CNP: variants seen among roughly 807,000 people sequenced by gnomAD.
CNP encodes 2',3'-cyclic nucleotide 3' phosphodiesterase, also known as 2',3'-cyclic-nucleotide 3'-phosphodiesterase.
In CNP, 8 loss-of-function variants were observed where a neutral mutation model predicts 37.9. The ratio of observed to expected loss-of-function variants is 0.21; its 90% CI spans 0.12 to 0.38. CNP has a LOEUF of 0.38. Ranked by LOEUF, CNP falls within the 10% of genes least tolerant of loss-of-function variation. CNP has a pLI of 1.00. For synonymous variants in CNP, 237 were observed against 238.3 expected (o/e 0.99, Z 0.05); for missense variants, 457 against 551.0 (o/e 0.83, Z 1.71).
intron 1 of CNP, chr17:41,967,724 A>G: frequency 1.9e-6 from 2 of 1,072,796 alleles, no homozygotes; most frequent in Non-Finnish European, 2.3e-6. Context: ...CCAGACACAG[A>G]GACCCCCACC....
rs2144554970 is a variant in CNP at position 41,966,863 on chromosome 17, G to T, written c.-22G>T. On this transcript the variant is annotated 5_prime_UTR_variant, in exon 1 of 4. Transcript: ENST00000393892. ...GAGCGCTGGTGCCGGCAGAGGCGGC[G>T]ACGGTGGCGCCCCTCCTCATCATGG... is the stretch of plus-strand genomic sequence containing the variant. 7.3e-7 allele frequency: 1 copy of T among 1,363,444 alleles called. No individual in the cohort carries two copies. Among genetic ancestry groups the T allele is most frequent in the African/African-American group, 1.5e-5 (1 of 66,024 alleles). The allele number at this position is 1,363,444 out of a possible 1,614,324, so 84.5% of individuals were successfully genotyped here. A position where few individuals can be genotyped will look rare whatever the true frequency, so the allele number is the denominator to read the frequency against.
intron 3 of CNP, 147 bp downstream of exon 3, chr17:41,972,178 C>T: frequency 3.0e-6 from 3 of 987,006 alleles, no homozygotes; most frequent in Non-Finnish European, 4.5e-6. Context: ...CTCCTAGCTC[C>T]CCTGTCCCCA....
At chr17:41,967,117 G>A (rs1567944539) in intron 1 of CNP, 3 of 421,754 alleles carry the variant, frequency 7.1e-6, no homozygotes, top group Non-Finnish European at 1.2e-5. Flanking sequence ...GGGAACTCGG[G>A]ACCGCAGAAG....
rs57119058 is a variant in CNP, at chr17:41,967,544, C to T, written c.4-524C>T. ...TGAAAGAGGGCCTTTGTCCAGTGCT[C>T]TCCTGCCCTGCCCCCCACCAGCCCT... On this transcript the variant is annotated intron_variant, in intron 1 of 3. Transcript: ENST00000393892. 2.8e-3 allele frequency: 1,359 copies of T among 477,658 alleles called. 18 individuals carry two copies. Among genetic ancestry groups the T allele is most frequent in the African/African-American group, 0.027 (1,261 of 47,554 alleles). The allele number at this position is 477,658 out of a possible 1,614,324, so 29.6% of individuals were successfully genotyped here.
chr17:41,973,952 G>C lies in CNP; in HGVS notation c.*28G>C. The C allele has an allele frequency of 1.4e-6, 2 of 1,443,620 alleles. No homozygotes were observed. The highest frequency in any genetic ancestry group is 3.1e-5 in the South Asian group (2 of 64,284). The allele number at this position is 1,443,620 out of a possible 1,614,324, so 89.4% of individuals were successfully genotyped here. A position where few individuals can be genotyped will look rare whatever the true frequency, so the allele number is the denominator to read the frequency against. ...GTTCTCACCACCACTTATGCCCCTA[G>C]AAGGGAAGGGGAGAGGGAAACGTGC... On this transcript the variant is annotated 3_prime_UTR_variant, in exon 4 of 4. Transcript: ENST00000393892.
At position 41,966,813 on chromosome 17, in the gene CNP, C is replaced by T. The variant is rs2050901630; in HGVS notation, c.-72C>T. On this transcript the variant is annotated 5_prime_UTR_variant, in exon 1 of 4. Transcript: ENST00000393892. ...TCGTGCCACCGCTGGACTCCCGTGT[C>T]CCTCCGCGCAGGCGGGCGGCCCCGG... 2 of 1,383,270 alleles carry T rather than the reference C, an allele frequency of 1.4e-6. No individual in the cohort carries two copies. The highest frequency in any genetic ancestry group is 3.1e-5 in the East Asian group (1 of 32,520). The allele number at this position is 1,383,270 out of a possible 1,614,324, so 85.7% of individuals were successfully genotyped here.
chr17:41,972,577 CCA>C (rs1232743438), intron 3 of CNP, among the ~76,000 whole-genome samples: 8 of 152,326 alleles, frequency 5.3e-5, no homozygotes, highest in African/African-American at 1.7e-4. Flanking sequence ...TCACCCATAT[CCA>C]CAGTCTCCAA....
In CNP at chr17:41,976,499, C is replaced by CA. The variant is rs1231300762; in HGVS notation, c.*2580dup. 2 of 486,948 alleles carry CA rather than the reference C, an allele frequency of 4.1e-6. No individual in the cohort carries two copies. Among genetic ancestry groups the CA allele is most frequent in the Non-Finnish European group, 3.6e-6 (1 of 280,518 alleles). The allele number at this position is 486,948 out of a possible 1,614,324, so 30.2% of individuals were successfully genotyped here. ...TTTTTAATAAAGTTAAACAGTAAAA[C>CA]AAAAATTCACAAGCTGCCTCCCTGT... On this transcript the variant is annotated 3_prime_UTR_variant, in exon 4 of 4. Coordinates refer to ENST00000393892, the MANE Select transcript of CNP (RefSeq NM_033133.5).
rs1271261891 is a variant in CNP at position 41,975,744 on chromosome 17, T to C, written c.*1820T>C. On this transcript the variant is annotated 3_prime_UTR_variant, in exon 4 of 4. Coordinates refer to ENST00000393892, the MANE Select transcript of CNP (RefSeq NM_033133.5). Reference sequence around the variant, plus strand: ...GCTCAGATGAAGAGAAATCCTAAGTTACCTTTCTAGGTCAAGGCCTGTCCC... The same window carrying C: ...GCTCAGATGAAGAGAAATCCTAAGTCACCTTTCTAGGTCAAGGCCTGTCCC... The C allele has an allele frequency of 6.6e-6, 1 of 152,168 alleles. No homozygotes were observed. The highest frequency in any genetic ancestry group is 1.5e-5 in the Non-Finnish European group (1 of 68,050). 9.4% of individuals were successfully genotyped at this position (152,168 alleles called of 1,614,324 possible).
chr17:41,969,567 T>C (rs1555643492), intron 2 of CNP, among the ~76,000 whole-genome samples: 1 of 152,176 alleles, frequency 6.6e-6, no homozygotes, highest in African/African-American at 2.4e-5. Flanking sequence ...ATTTATTTAT[T>C]TATTGTGACA....
chr17:41,974,433 T>G lies in CNP; in HGVS notation c.*509T>G, dbSNP rs1555644386. On this transcript the variant is annotated 3_prime_UTR_variant, in exon 4 of 4. Transcript: ENST00000393892. ...CTTTGATTCCATCTCCTTGTCTTTTTTCTTTGTTTTTAGAGACAGGGTCCT... is the reference window on the plus strand; with the variant it reads ...CTTTGATTCCATCTCCTTGTCTTTTGTCTTTGTTTTTAGAGACAGGGTCCT... 1 of 152,542 alleles carries G rather than the reference T, an allele frequency of 6.6e-6. No individual in the cohort carries two copies. Among genetic ancestry groups the G allele is most frequent in the African/African-American group, 2.4e-5 (1 of 41,402 alleles). The allele number at this position is 152,542 out of a possible 1,614,324, so 9.4% of individuals were successfully genotyped here.
rs963997631 is a variant in CNP at position 41,969,409 on chromosome 17, G to A, written c.676+669G>A. 2.0e-5 allele frequency among the ~76,000 whole-genome samples: 3 copies of A among 152,286 alleles called. No homozygotes were observed. In the South Asian group the frequency reaches 6.2e-4, roughly 32 times the overall value. ...CCTGGACTCTGGCCACTCTAGCAGG[G>A]TTCTCTCTTGGCATGGGCTTTTTGC... On this transcript the variant is annotated intron_variant, in intron 2 of 3. Transcript: ENST00000393892.
At chr17:41,971,794 G>C in intron 2 of CNP, 98 bp from the exon 3 acceptor site, 1 of 1,503,264 alleles carries the variant, frequency 6.7e-7, no homozygotes, top group East Asian at 2.3e-5. Flanking sequence ...GTGATGCTTA[G>C]TGTCCGAGTG....
In CNP at chr17:41,974,076, C is replaced by G. The variant is rs1190502167; in HGVS notation, c.*152C>G. On this transcript the variant is annotated 3_prime_UTR_variant, in exon 4 of 4. Transcript: ENST00000393892. ...TTTAAAAACTTGTAAAATAACTGAC[C>G]CTCCCTTCCTGTCCGCCCTCTTCCC... is the stretch of plus-strand genomic sequence containing the variant. The G allele has an allele frequency of 2.7e-5, 17 of 639,104 alleles. No homozygotes were observed. The highest frequency in any genetic ancestry group is 3.8e-5 in the Non-Finnish European group (16 of 419,462). 39.6% of individuals were successfully genotyped at this position (639,104 alleles called of 1,614,324 possible).
At position 41,971,993 on chromosome 17, in the gene CNP, G is replaced by C; in HGVS notation, c.778G>C (p.Gly260Arg). Reference protein sequence around the residue: ...LHCTTKFCDYGKAPGAEEYAQ... With the variant: ...LHCTTKFCDYRKAPGAEEYAQ... ...TTGCACAACCAAGTTTTGTGACTAC[G>C]GGAAGGCTCCCGGGGCAGAGGAGTA... The change falls in exon 3 of 4, where the codon GGG becomes CGG. Residue 260 changes from glycine (G) to arginine (R), a missense_variant. Gly to Arg is a moderately radical substitution (Grantham distance 125). Around this residue, in one of 2 missense-constraint regions of CNP, gnomAD observed 291 missense variants for 291.7 expected, o/e 1.00. Coordinates refer to ENST00000393892, the MANE Select transcript of CNP (RefSeq NM_033133.5). 1.2e-6 allele frequency: 2 copies of C among 1,613,936 alleles called. No homozygotes were observed. The highest frequency in any genetic ancestry group is 1.7e-6 in the Non-Finnish European group (2 of 1,179,962).
intron 1 of CNP, chr17:41,967,239 C>G: frequency 4.3e-6 from 1 of 233,370 alleles, no homozygotes; most frequent in East Asian, 7.8e-5. Flanking sequence ...TCCCCGGGCC[C>G]AGTCTCATCA....
In CNP at chr17:41,973,773, T is replaced by C; in HGVS notation, c.1115T>C (p.Leu372Pro). Residue 372 changes from leucine to proline, a missense_variant, in exon 4 of 4, where the codon CTC becomes CCC. By Grantham distance (98) the Leu-to-Pro change is moderately conservative. Around this residue, in one of 2 missense-constraint regions of CNP, gnomAD observed 291 missense variants for 291.7 expected, o/e 1.00. Transcript: ENST00000393892. ...EEVGELSRGK[L>P]YSLGNGRWML... is the part of the protein sequence containing the mutation. Reference sequence around the variant, plus strand: ...GTGGGCGAGCTAAGCCGGGGCAAGCTCTATTCCTTGGGCAATGGGCGCTGG... The same window carrying C: ...GTGGGCGAGCTAAGCCGGGGCAAGCCCTATTCCTTGGGCAATGGGCGCTGG... 2 of 1,612,810 alleles carry C rather than the reference T, an allele frequency of 1.2e-6. No individual in the cohort carries two copies. The highest frequency in any genetic ancestry group is 1.7e-6 in the Non-Finnish European group (2 of 1,179,456).
chr17:41,966,862 C>T lies in CNP; in HGVS notation c.-23C>T, dbSNP rs2050903371. ...GGAGCGCTGGTGCCGGCAGAGGCGG[C>T]GACGGTGGCGCCCCTCCTCATCATG... On this transcript the variant is annotated 5_prime_UTR_variant, in exon 1 of 4. Transcript: ENST00000393892. 1.5e-6 allele frequency: 2 copies of T among 1,362,444 alleles called. No individual in the cohort carries two copies. Among genetic ancestry groups the T allele is most frequent in the Non-Finnish European group, 9.4e-7 (1 of 1,059,038 alleles). The allele number at this position is 1,362,444 out of a possible 1,614,324, so 84.4% of individuals were successfully genotyped here. A position where few individuals can be genotyped will look rare whatever the true frequency, so the allele number is the denominator to read the frequency against.
intron 3 of CNP, 133 bp from the exon 4 acceptor site, chr17:41,973,340 TAC>T (rs1567947636): frequency 2.4e-6 from 2 of 836,736 alleles, no homozygotes; most frequent in African/African-American, 3.4e-5. Context: ...GCTGGGCCTA[TAC>T]CGACCCCTGC....
Sources: allele counts gnomAD v4.1 joint callset (sites outside exome capture counted in the v4.1 genomes callset), GRCh38; gene constraint gnomAD v4.1.1; regional missense constraint gnomAD v4.1.1; transcripts MANE v1.5; gene names NCBI Gene and HGNC (gene_info 2026-07-23, HGNC 2026-07-21).